The following CFAP46 variants were observed in gnomAD, a reference collection of about 807,000 sequenced individuals.
CFAP46 encodes the protein cilia- and flagella-associated protein 46.
Under a neutral mutation model 325.7 loss-of-function variants are expected in CFAP46, and 245 were observed. That is an observed-to-expected ratio of 0.75 (90% CI 0.68 to 0.84). The LOEUF is 0.84. Ranked by LOEUF, CFAP46 falls within the 40% of genes least tolerant of loss-of-function variation. The pLI is 0.00. For synonymous variants in CFAP46, 1,523 were observed against 1,495.9 expected (o/e 1.02, Z -0.42); for missense variants, 3,346 against 3,543.0 (o/e 0.94, Z 1.41).
intron 44 of CFAP46, among the ~76,000 whole-genome samples, chr10:132,837,968 C>CGTGT (rs1564773049): frequency 1.3e-4 from 7 of 52,888 alleles, no homozygotes; most frequent in Non-Finnish European, 1.9e-4. Flanking sequence ...CACAGACGCA[C>CGTGT]ACACTCACGC....
chr10:132,861,212 T>A lies in CFAP46; in HGVS notation c.4891-230A>T, dbSNP rs142971741. The stretch of plus-strand genomic sequence containing the variant: ...GTGCTGCCCGGCTCCTGCCCCACTG[T>A]GGTTCCTTGAGTGGGACGCCCGCCT... On this transcript the variant is annotated intron_variant, in intron 35 of 57. Transcript: ENST00000368586. Among the ~76,000 whole-genome samples the A allele has an allele frequency of 3.7e-3, 571 of 152,330 alleles. 5 individuals are homozygous for A. Among genetic ancestry groups the A allele is most frequent in the African/African-American group, 0.013 (550 of 41,572 alleles).
At chr10:132,862,740 C>CCGCGGAGG (rs1228272782) in intron 35 of CFAP46, among the ~76,000 whole-genome samples, 1 of 150,676 alleles carries the variant, frequency 6.6e-6, no homozygotes, top group Non-Finnish European at 1.5e-5. Context: ...GAGGAGAGAC[C>CCGCGGAGG]AGGGTGGAAG....
chr10:132,898,271 C>G (rs953199898), intron 24 of CFAP46, among the ~76,000 whole-genome samples: 1 of 152,230 alleles, frequency 6.6e-6, no homozygotes, highest in Non-Finnish European at 1.5e-5. Flanking sequence ...GAAGCCTTCA[C>G]CAACTCCAGC....
At chr10:132,812,678 C>G (rs1847604267) in intron 55 of CFAP46, 107 bp downstream of exon 55, 3 of 773,004 alleles carry the variant, frequency 3.9e-6, no homozygotes, top group Non-Finnish European at 6.5e-6. Context: ...GGGCTGCGGC[C>G]ACAGGGGGTG....
chr10:132,838,167 A>G (rs1848297409), intron 44 of CFAP46, among the ~76,000 whole-genome samples: 1 of 152,216 alleles, frequency 6.6e-6, no homozygotes, highest in Non-Finnish European at 1.5e-5. Flanking sequence ...CAGACCCGGC[A>G]CGCAGTTCAG....
At chr10:132,890,348 C>T (rs540039141) in intron 25 of CFAP46, among the ~76,000 whole-genome samples, 1 of 152,294 alleles carries the variant, frequency 6.6e-6, no homozygotes, top group South Asian at 2.1e-4. Flanking sequence ...AATCACATGC[C>T]GGGTTGTGGA....
intron 24 of CFAP46, among the ~76,000 whole-genome samples, chr10:132,893,873 C>T (rs1281629407): frequency 6.6e-6 from 1 of 152,130 alleles, no homozygotes; most frequent in African/African-American, 2.4e-5. Flanking sequence ...GCTGCAGCCC[C>T]CTGTGGGTTT....
At chr10:132,933,552 C>T (rs992257338) in intron 8 of CFAP46, among the ~76,000 whole-genome samples, 7 of 152,222 alleles carry the variant, frequency 4.6e-5, no homozygotes, top group African/African-American at 1.7e-4. Context: ...TCCCCATGTA[C>T]ACATGCACTC....
At chr10:132,904,567 G>T (rs1849430761) in intron 22 of CFAP46, among the ~76,000 whole-genome samples, 1 of 152,244 alleles carries the variant, frequency 6.6e-6, no homozygotes, top group Non-Finnish European at 1.5e-5. Context: ...CAGAAAAAAT[G>T]ATTTTTAAGT....
rs1389954468 is a variant in CFAP46, at chr10:132,869,191, G to A, written c.4610+83C>T. 5.2e-6 allele frequency: 6 copies of A among 1,157,754 alleles called. No individual in the cohort carries two copies. The highest frequency in any genetic ancestry group is 6.0e-6 in the Non-Finnish European group (5 of 837,834). 71.7% of individuals were successfully genotyped at this position (1,157,754 alleles called of 1,614,324 possible). On this transcript the variant is annotated intron_variant, in intron 33 of 57. Transcript: ENST00000368586. This position sits in a 1 kb window ranked among gnomAD's most constrained non-coding sequence, Gnocchi z 6.2. ...AGAGGGGCAGGAGTCCAGGGAAGAG[G>A]GTGGCCGCGCAGCTGGCTTTCACCT...
Position 132,867,509 on chromosome 10 carries a change from T to G in CFAP46, c.4611-2A>C, listed in dbSNP as rs1357308022. 6 of 1,549,560 alleles carry G rather than the reference T, an allele frequency of 3.9e-6. No homozygotes were observed. In the Admixed American group the frequency reaches 1.2e-4, roughly 30 times the overall value. On this transcript the variant is annotated splice_acceptor_variant, in intron 33 of 57. Coordinates refer to ENST00000368586, the MANE Select transcript of CFAP46 (RefSeq NM_001200049.3). LOFTEE classifies it high-confidence loss of function. ...TTCAACGCGATCTCTTTTCTGCAGC[T>G]AATGCGAGGAAAACAGACAATACGC... is the stretch of plus-strand genomic sequence containing the variant.
At chr10:132,825,165 ATGTGTGCTGTG>A (rs1400868650) in intron 50 of CFAP46, among the ~76,000 whole-genome samples, 4 of 111,410 alleles carry the variant, frequency 3.6e-5, no homozygotes, top group African/African-American at 7.3e-5. Context: ...GTGTGCAGTG[ATGTGTGCTGTG>A]TGTGTGCTGT....
intron 10 of CFAP46, among the ~76,000 whole-genome samples, chr10:132,926,149 G>A (rs1849806248): frequency 6.6e-6 from 1 of 152,258 alleles, no homozygotes; most frequent in African/African-American, 2.4e-5. Flanking sequence ...TGACGCCAGG[G>A]CCGGCGGTGG....
At chr10:132,917,117 G>T (rs1457785016) in intron 16 of CFAP46, among the ~76,000 whole-genome samples, 1 of 152,258 alleles carries the variant, frequency 6.6e-6, no homozygotes, top group Non-Finnish European at 1.5e-5. Context: ...CTCTGGTTCT[G>T]CCATGTGGCC....
chr10:132,848,872 A>G (rs1591051092), intron 41 of CFAP46, among the ~76,000 whole-genome samples: 1 of 152,210 alleles, frequency 6.6e-6, no homozygotes, highest in East Asian at 1.9e-4. Context: ...ACCTTAGACA[A>G]CGTGACCAGC....
chr10:132,860,711 G>A, intron 36 of CFAP46, 71 bp downstream of exon 36: 1 of 1,489,788 alleles, frequency 6.7e-7, no homozygotes, highest in Admixed American at 2.0e-5. Context: ...GAGCCCCATG[G>A]ACGCCCTTCC....
In CFAP46 at chr10:132,922,162, G is replaced by A. The variant is rs771449786; in HGVS notation, c.1548C>T (p.Gly516=). ...GAAACGCGTCAGGGGCTAAGGCCAG[G>A]CCTGCATTCACCAGGAGGGCCCGCT... ...RKKRALLVNA[G]LALAPDAFQI... The change falls in exon 13 of 58, where the codon GGC becomes GGT. Residue 516 remains glycine, a synonymous_variant. Transcript: ENST00000368586. 2.6e-6 allele frequency: 4 copies of A among 1,550,334 alleles called. No individual in the cohort carries two copies. The South Asian group carries it at 4.8e-5, about 18-fold the overall frequency.
chr10:132,934,970 G>A (rs1181445002), intron 7 of CFAP46, 108 bp from the exon 8 acceptor site: 23 of 769,012 alleles, frequency 3.0e-5, no homozygotes, highest in Non-Finnish European at 3.5e-5. Context: ...CTGAAGAGGA[G>A]ACTGAAAATA....
chr10:132,875,423 A>T (rs773507473), intron 31 of CFAP46, among the ~76,000 whole-genome samples: 1 of 152,264 alleles, frequency 6.6e-6, no homozygotes, highest in Admixed American at 6.5e-5. Context: ...AATGGAGAAT[A>T]AAAGGAATAG....
Sources: allele counts gnomAD v4.1 joint callset (sites outside exome capture counted in the v4.1 genomes callset), GRCh38; gene constraint gnomAD v4.1.1; non-coding constraint Gnocchi (gnomAD v3.1); transcripts MANE v1.5; gene names NCBI Gene and HGNC (gene_info 2026-07-23, HGNC 2026-07-21).